Variants in CNNM2 observed in about 807,000 individuals in gnomAD.
CNNM2 encodes cyclin and CBS domain divalent metal cation transport mediator 2.
A neutral mutation model predicts 66.9 loss-of-function variants in CNNM2; 12 were observed. The ratio of observed to expected loss-of-function variants is 0.18; its 90% CI spans 0.11 to 0.29. CNNM2 has a LOEUF of 0.29. Among genes scored for constraint, CNNM2 ranks in the 10% least tolerant of loss-of-function variants. The pLI, the probability that CNNM2 is intolerant of heterozygous loss-of-function variation, is 1.00. For synonymous variants in CNNM2, 557 were observed against 501.8 expected (o/e 1.11, Z -1.47); for missense variants, 705 against 1,167.7 (o/e 0.60, Z 5.77).
chr10:102,944,022 C>T (rs1395729406), intron 1 of CNNM2, among the ~76,000 whole-genome samples: 1 of 151,950 alleles, frequency 6.6e-6, no homozygotes, highest in Non-Finnish European at 1.5e-5. Context: ...GAAAATTAAC[C>T]TACAATTAAA....
chr10:103,090,196 G>T lies in CNNM2; in HGVS notation c.*13016G>T. The T allele has an allele frequency of 2.6e-6, 1 of 383,530 alleles. No individual in the cohort carries two copies. Among genetic ancestry groups the T allele is most frequent in the Admixed American group, 4.1e-5 (1 of 24,310 alleles). The allele number at this position is 383,530 out of a possible 1,614,324, so 23.8% of individuals were successfully genotyped here. A position where few individuals can be genotyped will look rare whatever the true frequency, so the allele number is the denominator to read the frequency against. ...GCAAAAACAAGATAGTCCTGAAACA[G>T]ATCAGAATAAAGGAATGTAAAAACC... is the stretch of plus-strand genomic sequence containing the variant. On this transcript the variant is annotated 3_prime_UTR_variant, in exon 8 of 8. Transcript: ENST00000369878.
At chr10:102,930,981 T>TAATG (rs574702071) in intron 1 of CNNM2, among the ~76,000 whole-genome samples, 1,856 of 152,364 alleles carry the variant, frequency 0.012, 10 homozygotes, top group Non-Finnish European at 0.019. Flanking sequence ...TGCCTATTAA[T>TAATG]AATGATTCTA....
intron 1 of CNNM2, among the ~76,000 whole-genome samples, chr10:103,023,313 T>G (rs1210518951): frequency 6.6e-6 from 1 of 152,050 alleles, no homozygotes; most frequent in Non-Finnish European, 1.5e-5. Context: ...ACACTTTGGG[T>G]GGCTGACGGC....
chr10:103,068,727 G>T lies in CNNM2; in HGVS notation c.2167+5G>T. 6.2e-7 allele frequency: 1 copy of T among 1,610,234 alleles called. No homozygotes were observed. The highest frequency in any genetic ancestry group is 8.5e-7 in the Non-Finnish European group (1 of 1,177,916). On this transcript the variant is annotated splice_donor_5th_base_variant and intron_variant, in intron 5 of 7. Coordinates refer to ENST00000369878, the MANE Select transcript of CNNM2 (RefSeq NM_017649.5). Reference sequence around the variant, plus strand: ...TGGCCCTGACAGCCTCTCCAGGTATGTTTGGTTCCCAGCCGCATAGGGCAG... The same window carrying T: ...TGGCCCTGACAGCCTCTCCAGGTATTTTTGGTTCCCAGCCGCATAGGGCAG...
chr10:103,089,789 C>T lies in CNNM2; in HGVS notation c.*12609C>T, dbSNP rs779906226. The T allele has an allele frequency of 5.0e-6, 8 of 1,614,098 alleles. No homozygotes were observed. In the Admixed American group the frequency reaches 1.2e-4, roughly 24 times the overall value. On this transcript the variant is annotated 3_prime_UTR_variant, in exon 8 of 8. Transcript: ENST00000369878. The stretch of plus-strand genomic sequence containing the variant: ...TAATCTCACTAATTGACCGTGTCAG[C>T]TGGTGCCGCTTGTAGTCAGTGTCTT...
At chr10:102,946,316 G>C (rs116990944) in intron 1 of CNNM2, among the ~76,000 whole-genome samples, 1 of 152,172 alleles carries the variant, frequency 6.6e-6, no homozygotes, top group African/African-American at 2.4e-5. Context: ...GTGTTTGGGA[G>C]AATTGTGAGC....
intron 1 of CNNM2, among the ~76,000 whole-genome samples, chr10:103,015,651 C>T (rs1339611462): frequency 2.6e-5 from 4 of 151,960 alleles, no homozygotes; most frequent in African/African-American, 9.7e-5. Flanking sequence ...ATCGGGAGTT[C>T]GAGACCAGCC....
intron 1 of CNNM2, among the ~76,000 whole-genome samples, chr10:102,984,792 G>A (rs1218267420): frequency 1.3e-5 from 2 of 152,000 alleles, no homozygotes; most frequent in African/African-American, 2.4e-5. Context: ...GACTACAGGC[G>A]CCTGTCACTA....
chr10:103,071,644 G>T, intron 5 of CNNM2, 130 bp from the exon 6 acceptor site: 2 of 797,018 alleles, frequency 2.5e-6, no homozygotes, highest in South Asian at 1.4e-5. Context: ...ATACCATACC[G>T]ACTTGCATTT....
At chr10:102,942,398 A>G (rs1846464952) in intron 1 of CNNM2, among the ~76,000 whole-genome samples, 1 of 152,244 alleles carries the variant, frequency 6.6e-6, no homozygotes, top group African/African-American at 2.4e-5. Context: ...GGTACCTCAT[A>G]TAAATGGAAT....
At chr10:103,037,429 C>T (rs1035766226) in intron 1 of CNNM2, among the ~76,000 whole-genome samples, 1 of 151,800 alleles carries the variant, frequency 6.6e-6, no homozygotes, top group African/African-American at 2.4e-5. Context: ...TGTCTGGCTA[C>T]TCAATATGTA....
At chr10:102,931,568 G>A (rs1324650218) in intron 1 of CNNM2, among the ~76,000 whole-genome samples, 1 of 152,056 alleles carries the variant, frequency 6.6e-6, no homozygotes, top group African/African-American at 2.4e-5. Context: ...TGTTGGTCAG[G>A]CTGGTCTTGA....
chr10:102,984,228 A>C (rs991467996), intron 1 of CNNM2, among the ~76,000 whole-genome samples: 3 of 152,210 alleles, frequency 2.0e-5, no homozygotes, highest in Admixed American at 2.0e-4. Context: ...AAATAAAGCT[A>C]TTTGGGAATG....
At chr10:103,007,724 C>A (rs2064255627) in intron 1 of CNNM2, among the ~76,000 whole-genome samples, 2 of 152,076 alleles carry the variant, frequency 1.3e-5, no homozygotes, top group Non-Finnish European at 2.9e-5. Context: ...TTATTCTGTT[C>A]TTTTTCAAGG....
In CNNM2 at chr10:103,077,041, G is replaced by A. The variant is rs2065704208; in HGVS notation, c.2489G>A (p.Ser830Asn). 6.2e-7 allele frequency: 1 copy of A among 1,614,000 alleles called. No homozygotes were observed. The highest frequency in any genetic ancestry group is 2.2e-5 in the East Asian group (1 of 44,890). ...RMDKTPQSSDSENTKIELTLT... is the reference protein window; with the variant it reads ...RMDKTPQSSDNENTKIELTLT... ...GACAAAACCCCCCAGTCTTCAGACA[G>A]TGAAAACACTAAAATCGAATTGACT... The change falls in exon 8 of 8, where the codon AGT (serine) becomes AAT (asparagine). Residue 830 changes from serine (S) to asparagine (N), a missense_variant. Physicochemically the swap from Ser to Asn is conservative, Grantham distance 46. Coordinates refer to ENST00000369878, the MANE Select transcript of CNNM2 (RefSeq NM_017649.5).
intron 1 of CNNM2, among the ~76,000 whole-genome samples, chr10:102,987,797 A>AC (rs1461759735): frequency 3.2e-4 from 48 of 152,164 alleles, no homozygotes; most frequent in African/African-American, 1.1e-3. Flanking sequence ...CAAGATTGTC[A>AC]CCCCCAACAG....
chr10:102,934,988 G>A (rs933706893), intron 1 of CNNM2, among the ~76,000 whole-genome samples: 2 of 151,028 alleles, frequency 1.3e-5, no homozygotes, highest in Non-Finnish European at 3.0e-5. Flanking sequence ...GTGAAACCCC[G>A]ACTCTACCAA....
At position 103,001,369 on chromosome 10, in the gene CNNM2, A is replaced by G. The variant is rs536971284; in HGVS notation, c.1622-48338A>G. ...TTACTGCAATACAAAAAATTGGGGG[A>G]AAAAATCTTATTACACAGCTACAGT... On this transcript the variant is annotated intron_variant, in intron 1 of 7. Coordinates refer to ENST00000369878, the MANE Select transcript of CNNM2 (RefSeq NM_017649.5). Among the ~76,000 whole-genome samples the G allele has an allele frequency of 1.8e-4, 28 of 152,212 alleles. 1 individual carries two copies. The East Asian group carries it at 3.7e-3, about 20-fold the overall frequency.
chr10:102,954,667 T>C (rs1846969435), intron 1 of CNNM2, among the ~76,000 whole-genome samples: 1 of 152,114 alleles, frequency 6.6e-6, no homozygotes, highest in South Asian at 2.1e-4. Flanking sequence ...GGTCCAGGAA[T>C]TTACAATCCA....
Sources: allele counts gnomAD v4.1 joint callset (sites outside exome capture counted in the v4.1 genomes callset), GRCh38; gene constraint gnomAD v4.1.1; transcripts MANE v1.5; gene names NCBI Gene and HGNC (gene_info 2026-07-23, HGNC 2026-07-21).